The following NRG1 variants were observed in gnomAD, a reference collection of about 807,000 sequenced individuals.
NRG1 encodes neuregulin 1.
A neutral mutation model predicts 63.8 loss-of-function variants in NRG1; 18 were observed. That is an observed-to-expected ratio of 0.28 (90% CI 0.19 to 0.42). NRG1 has a LOEUF of 0.42. Among genes scored for constraint, NRG1 ranks in the 10% least tolerant of loss-of-function variants. The pLI is 1.00. For missense variants in NRG1, 762 were observed against 814.7 expected, an observed-to-expected ratio of 0.94 and a Z score of 0.79; for synonymous variants, 302 against 301.3, an observed-to-expected ratio of 1.00 and a Z score of -0.02.
At chr8:32,092,412 T>C (rs1156835062) in intron 1 of NRG1, among the ~76,000 whole-genome samples, 1 of 137,024 alleles carries the variant, frequency 7.3e-6, no homozygotes, top group South Asian at 2.2e-4. Flanking sequence ...AACTAAGCTA[T>C]GATCATGACA....
chr8:31,872,534 A>C (rs958008907), intron 1 of NRG1, among the ~76,000 whole-genome samples: 1 of 152,220 alleles, frequency 6.6e-6, no homozygotes, highest in Non-Finnish European at 1.5e-5. Flanking sequence ...GAATACAAAA[A>C]AATGAGCTAT....
At chr8:31,853,679 T>G (rs1203837692) in intron 1 of NRG1, among the ~76,000 whole-genome samples, 1 of 151,388 alleles carries the variant, frequency 6.6e-6, no homozygotes, top group Non-Finnish European at 1.5e-5. Context: ...AGGGCATCCC[T>G]GTCTTGTGCC....
chr8:32,584,309 A>T (rs1009448871), intron 1 of NRG1, among the ~76,000 whole-genome samples: 2 of 152,154 alleles, frequency 1.3e-5, no homozygotes, highest in Admixed American at 6.6e-5. Context: ...ACCCTAAGAT[A>T]AGGAATTTGC....
At chr8:32,641,194 T>C (rs1437956488) in intron 5 of NRG1, among the ~76,000 whole-genome samples, 1 of 150,916 alleles carries the variant, frequency 6.6e-6, no homozygotes, top group Non-Finnish European at 1.5e-5. Context: ...TAAATTAATA[T>C]CAAGTTCAGA....
intron 1 of NRG1, among the ~76,000 whole-genome samples, chr8:31,826,481 G>A (rs945788232): frequency 7.9e-5 from 12 of 152,184 alleles, no homozygotes; most frequent in East Asian, 3.9e-4. Flanking sequence ...CTCCTCCTTC[G>A]TCTTCCGCCA....
At chr8:32,024,645 GAGCCAGAA>G (rs1487087737) in intron 1 of NRG1, among the ~76,000 whole-genome samples, 12 of 152,160 alleles carry the variant, frequency 7.9e-5, no homozygotes, top group African/African-American at 2.9e-4. Context: ...ACTCCTGCGG[GAGCCAGAA>G]AGCTGGAATC....
At chr8:31,963,751 G>C (rs559611319) in intron 1 of NRG1, among the ~76,000 whole-genome samples, 1 of 152,110 alleles carries the variant, frequency 6.6e-6, no homozygotes, top group South Asian at 2.1e-4. Context: ...TTCACTTTCT[G>C]ACCATCAAAT....
intron 1 of NRG1, among the ~76,000 whole-genome samples, chr8:32,535,313 A>G (rs1407141964): frequency 1.3e-5 from 2 of 152,176 alleles, no homozygotes; most frequent in Non-Finnish European, 2.9e-5. Context: ...TCCCTAATGA[A>G]TCCTTAGGCT....
At chr8:32,095,352 T>C (rs1235390780) in intron 1 of NRG1, among the ~76,000 whole-genome samples, 2 of 152,192 alleles carry the variant, frequency 1.3e-5, no homozygotes, top group Non-Finnish European at 1.5e-5. Context: ...GAGTTTCCCA[T>C]ATCCTCTGAA....
At chr8:31,678,095 A>ATTTATTTG (rs1807914415) in intron 1 of NRG1, among the ~76,000 whole-genome samples, 2 of 151,362 alleles carry the variant, frequency 1.3e-5, no homozygotes, top group African/African-American at 4.9e-5. Flanking sequence ...CTTGTTATTT[A>ATTTATTTG]TTTATTTATT....
intron 1 of NRG1, among the ~76,000 whole-genome samples, chr8:32,153,293 C>T (rs1239117235): frequency 6.6e-6 from 1 of 152,054 alleles, no homozygotes; most frequent in East Asian, 1.9e-4. Flanking sequence ...ATATTTTATC[C>T]CTCCTCTCAC....
intron 1 of NRG1, among the ~76,000 whole-genome samples, chr8:31,717,412 TA>T (rs34835652): frequency 0.9 from 114,161 of 126,320 alleles, 52,296 homozygotes; most frequent in East Asian, 0.99. Flanking sequence ...ATCTCGACAT[TA>T]AAAAAAAAAA....
intron 1 of NRG1, among the ~76,000 whole-genome samples, chr8:32,069,272 TGGAAAG>T (rs1825379578): frequency 6.6e-6 from 1 of 152,182 alleles, no homozygotes; most frequent in African/African-American, 2.4e-5. Flanking sequence ...TGGATACTGT[TGGAAAG>T]GGAGAGGTAA....
At chr8:32,511,534 C>G (rs925608921) in intron 1 of NRG1, among the ~76,000 whole-genome samples, 3 of 151,662 alleles carry the variant, frequency 2.0e-5, no homozygotes, top group African/African-American at 4.8e-5. Context: ...GATCAGTGTT[C>G]CACTTAAGCT....
chr8:32,265,650 C>T (rs1441414660), intron 1 of NRG1, among the ~76,000 whole-genome samples: 1 of 151,952 alleles, frequency 6.6e-6, no homozygotes, highest in African/African-American at 2.4e-5. Flanking sequence ...TTAGGTCAGC[C>T]TGGCAACATG....
chr8:32,040,418 G>A (rs1819754596), intron 1 of NRG1, among the ~76,000 whole-genome samples: 1 of 152,064 alleles, frequency 6.6e-6, no homozygotes, highest in South Asian at 2.1e-4. Context: ...TCATGACTTA[G>A]TTAAGCCTGG....
At chr8:31,851,105 G>T (rs1330187633) in intron 1 of NRG1, among the ~76,000 whole-genome samples, 1 of 152,196 alleles carries the variant, frequency 6.6e-6, no homozygotes, top group Non-Finnish European at 1.5e-5. Flanking sequence ...GACATCTGTG[G>T]AGATTAAAGT....
rs138142048 is a variant in NRG1 at position 32,255,674 on chromosome 8, C to T, written c.38-340154C>T. Among the ~76,000 whole-genome samples the T allele has an allele frequency of 7.3e-3, 1,110 of 152,156 alleles. 14 individuals carry two copies. Among genetic ancestry groups the T allele is most frequent in the African/African-American group, 0.025 (1,028 of 41,514 alleles). On this transcript the variant is annotated intron_variant, in intron 1 of 10. Transcript: ENST00000519301. ...TTTATTTCAACCTTGGTGAATCTGA[C>T]GATTGTGTGTCTTGGGGTTGCTCTT... is the stretch of plus-strand genomic sequence containing the variant.
chr8:32,355,104 G>T (rs1453595538), intron 1 of NRG1, among the ~76,000 whole-genome samples: 1 of 152,110 alleles, frequency 6.6e-6, no homozygotes, highest in Non-Finnish European at 1.5e-5. Context: ...GTAAAACAAT[G>T]ATTGATTTAA....
Sources: allele counts gnomAD v4.1 joint callset (sites outside exome capture counted in the v4.1 genomes callset), GRCh38; gene constraint gnomAD v4.1.1; transcripts MANE v1.5; gene names NCBI Gene and HGNC (gene_info 2026-07-23, HGNC 2026-07-21).